The following TASP1 variants were observed in gnomAD, a reference collection of about 807,000 sequenced individuals.
TASP1 encodes the protein taspase 1, also known as threonine aspartase 1.
In TASP1, 16 loss-of-function variants were observed where a neutral mutation model predicts 56.6. That is an observed-to-expected ratio of 0.28 (90% CI 0.19 to 0.43). TASP1 has a LOEUF of 0.43. Ranked by LOEUF, TASP1 falls within the 20% of genes least tolerant of loss-of-function variation. TASP1 has a pLI of 1.00. For synonymous variants in TASP1, 179 were observed against 184.2 expected (o/e 0.97, Z 0.23); for missense variants, 393 against 511.6 (o/e 0.77, Z 2.24).
chr20:13,306,623 T>C, the TASP1 span, among the ~76,000 whole-genome samples: 1 of 145,276 alleles, frequency 6.9e-6, no homozygotes, highest in African/African-American at 2.6e-5. Flanking sequence ...AGGACAAAAT[T>C]CTCTAAGGGG....
At chr20:13,353,326 G>A in the TASP1 span, among the ~76,000 whole-genome samples, 75 of 150,874 alleles carry the variant, frequency 5.0e-4, no homozygotes, top group African/African-American at 1.8e-3. Context: ...AGTCATTTGA[G>A]TATCTTCCTG....
chr20:13,638,395 G>T (rs1454292752), intron 1 of TASP1, among the ~76,000 whole-genome samples: 2 of 151,008 alleles, frequency 1.3e-5, no homozygotes, highest in Non-Finnish European at 2.9e-5. Context: ...CCATCTTCTC[G>T]GTCCTTTCCT....
the TASP1 span, among the ~76,000 whole-genome samples, chr20:13,112,893 T>A: frequency 6.6e-6 from 1 of 152,166 alleles, no homozygotes; most frequent in African/African-American, 2.4e-5. Flanking sequence ...ACCAGATATT[T>A]CCCATAAGGC....
intron 13 of TASP1, among the ~76,000 whole-genome samples, chr20:13,400,744 C>T (rs1485724679): frequency 6.6e-6 from 1 of 152,178 alleles, no homozygotes; most frequent in Non-Finnish European, 1.5e-5. Flanking sequence ...AACAGCGCAA[C>T]CATAGCCAAA....
intron 4 of TASP1, among the ~76,000 whole-genome samples, chr20:13,594,759 C>T (rs955984288): frequency 3.3e-5 from 5 of 152,116 alleles, no homozygotes; most frequent in Non-Finnish European, 7.3e-5. Flanking sequence ...ATTGGTATAC[C>T]TCAAAGTGAC....
the TASP1 span, among the ~76,000 whole-genome samples, chr20:13,326,578 A>G: frequency 6.6e-6 from 1 of 152,098 alleles, no homozygotes. Flanking sequence ...TGGTATCTCA[A>G]CATGTTGTTA....
chr20:13,115,692 T>C, the TASP1 span, among the ~76,000 whole-genome samples: 2 of 152,236 alleles, frequency 1.3e-5, no homozygotes, highest in African/African-American at 4.8e-5. Context: ...TGTCAAGGGC[T>C]CCCACTTTCC....
the TASP1 span, among the ~76,000 whole-genome samples, chr20:13,349,184 G>C: frequency 3.3e-5 from 5 of 152,126 alleles, no homozygotes; most frequent in African/African-American, 1.2e-4. Flanking sequence ...TCTCTGGGCT[G>C]TCTCACAGCT....
the TASP1 span, among the ~76,000 whole-genome samples, chr20:13,343,070 G>A: frequency 6.6e-6 from 1 of 152,212 alleles, no homozygotes; most frequent in Non-Finnish European, 1.5e-5. Flanking sequence ...AAGGCTCCGA[G>A]AAGGGTCCTG....
At chr20:13,273,357 C>T in the TASP1 span, among the ~76,000 whole-genome samples, 1 of 151,952 alleles carries the variant, frequency 6.6e-6, no homozygotes, top group Non-Finnish European at 1.5e-5. Flanking sequence ...ACCTCAGCCT[C>T]CTGAGTAGCT....
chr20:13,161,786 A>T, the TASP1 span, among the ~76,000 whole-genome samples: 1 of 152,214 alleles, frequency 6.6e-6, no homozygotes, highest in Non-Finnish European at 1.5e-5. Flanking sequence ...AAGAGTAAAG[A>T]GGATAACTTG....
At chr20:13,307,628 T>C in the TASP1 span, among the ~76,000 whole-genome samples, 4 of 152,208 alleles carry the variant, frequency 2.6e-5, no homozygotes, top group Non-Finnish European at 4.4e-5. Flanking sequence ...ATCAGTATCA[T>C]GAATTTTACA....
At chr20:13,328,033 G>A in the TASP1 span, among the ~76,000 whole-genome samples, 1 of 151,970 alleles carries the variant, frequency 6.6e-6, no homozygotes, top group African/African-American at 2.4e-5. Context: ...TACAGAATGG[G>A]AGAAAATTTT....
chr20:13,254,888 C>T, the TASP1 span, among the ~76,000 whole-genome samples: 1 of 152,230 alleles, frequency 6.6e-6, no homozygotes, highest in African/African-American at 2.4e-5. Context: ...TTTGTCATTC[C>T]TTCCTTTTCC....
chr20:13,568,514 T>C (rs1252690324), intron 7 of TASP1, among the ~76,000 whole-genome samples: 1 of 152,192 alleles, frequency 6.6e-6, no homozygotes, highest in Non-Finnish European at 1.5e-5. Context: ...TATAACTTCA[T>C]TTTTCACTCT....
chr20:13,453,724 C>T (rs1205601914), intron 11 of TASP1, among the ~76,000 whole-genome samples: 3 of 152,082 alleles, frequency 2.0e-5, no homozygotes, highest in African/African-American at 7.2e-5. Context: ...GGGATTACAT[C>T]AGTAAACAAG....
intron 11 of TASP1, among the ~76,000 whole-genome samples, chr20:13,482,004 C>T (rs1255322870): frequency 6.6e-6 from 1 of 152,112 alleles, no homozygotes; most frequent in Non-Finnish European, 1.5e-5. Flanking sequence ...AGACCAATGT[C>T]CTAGAGATTT....
rs1174114922 is a variant in TASP1 at position 13,609,682 on chromosome 20, G to C, written c.282+13764C>G. 1.4e-4 allele frequency among the ~76,000 whole-genome samples: 15 copies of C among 107,816 alleles called. No homozygotes were observed. In the South Asian group the frequency reaches 4.3e-3, roughly 31 times the overall value. The allele number at this position is 107,816 out of a possible 152,430, so 70.7% of individuals were successfully genotyped here. ...GCCTGGGCAACAAGCGCAAAACTCTGTCTCAAAAAAAAAAAAAAAAAAAAA... is the reference window on the plus strand; with the variant it reads ...GCCTGGGCAACAAGCGCAAAACTCTCTCTCAAAAAAAAAAAAAAAAAAAAA... On this transcript the variant is annotated intron_variant, in intron 4 of 13. Transcript: ENST00000337743.
At chr20:13,521,008 A>C (rs1472095348) in intron 10 of TASP1, among the ~76,000 whole-genome samples, 2 of 152,202 alleles carry the variant, frequency 1.3e-5, no homozygotes, top group Non-Finnish European at 2.9e-5. Context: ...ATGCAACCAA[A>C]AGACACATGA....
Sources: allele counts gnomAD v4.1 joint callset (sites outside exome capture counted in the v4.1 genomes callset), GRCh38; gene constraint gnomAD v4.1.1; transcripts MANE v1.5; gene names NCBI Gene and HGNC (gene_info 2026-07-23, HGNC 2026-07-21).